TXNRD1: variants seen among roughly 807,000 people sequenced by gnomAD.
The protein encoded by TXNRD1 is thioredoxin reductase 1.
In TXNRD1, 57 loss-of-function variants were observed where a neutral mutation model predicts 80.3. The observed-to-expected ratio is 0.71, with a 90% CI of 0.57 to 0.89. TXNRD1 has a LOEUF of 0.89. TXNRD1 is among the 40% of genes least tolerant of loss of function. The pLI is 0.00. For missense variants in TXNRD1, 730 were observed against 803.0 expected (o/e 0.91, Z 1.10); for synonymous variants, 291 against 285.2 (o/e 1.02, Z -0.20).
At chr12:104,256,653 C>A (rs12312443) in intron 2 of TXNRD1, among the ~76,000 whole-genome samples, 4,873 of 151,860 alleles carry the variant, frequency 0.032, 204 homozygotes, top group African/African-American at 0.094. Flanking sequence ...GTGGCGCATG[C>A]CTGTAACCCC....
rs11831030 is a variant in TXNRD1 at position 104,276,021 on chromosome 12, C to T, written c.305-12910C>T. Among the ~76,000 whole-genome samples the T allele has an allele frequency of 5.4e-3, 825 of 152,280 alleles. 8 individuals carry two copies. The highest frequency in any genetic ancestry group is 0.019 in the African/African-American group (787 of 41,560). ...GTTTGCCAGCAGAAAAGCCAGGTTA[C>T]GTGATTTCATTGCGGGCTCTTATAA... On this transcript the variant is annotated intron_variant, in intron 3 of 16. Transcript: ENST00000525566.
rs531355197 is a variant in TXNRD1, at chr12:104,319,616, A to C, written c.989+31A>C. 1.2e-5 allele frequency: 18 copies of C among 1,483,734 alleles called. No individual in the cohort carries two copies. In the African/African-American group the frequency reaches 1.8e-4, roughly 15 times the overall value. 91.9% of individuals were successfully genotyped at this position (1,483,734 alleles called of 1,614,324 possible). Reference sequence around the variant, plus strand: ...GGAAAAAAGCAGGGTGGAAAAGAAAAACCCATTGTGGATATTGCTTTCGCA... The same window carrying C: ...GGAAAAAAGCAGGGTGGAAAAGAAACACCCATTGTGGATATTGCTTTCGCA... On this transcript the variant is annotated intron_variant, in intron 9 of 16. Transcript: ENST00000525566.
chr12:104,327,050 C>T (rs1170375515), intron 12 of TXNRD1, among the ~76,000 whole-genome samples: 1 of 151,944 alleles, frequency 6.6e-6, no homozygotes, highest in Non-Finnish European at 1.5e-5. Context: ...GATCTACCCA[C>T]ATCAGCCTCC....
chr12:104,288,872 C>T (rs1467567993), intron 3 of TXNRD1, 59 bp from the exon 4 acceptor site: 1 of 1,613,480 alleles, frequency 6.2e-7, no homozygotes, highest in South Asian at 1.1e-5. Context: ...GGCGCAGTTC[C>T]CGCCTGTTAG....
rs145419945 is a variant in TXNRD1 at position 104,261,757 on chromosome 12, GTTTA to G, written c.304+3686_304+3689del. ...GAAACAATGCCAGTCTTCTCACTAT[GTTTA>G]TTTATTTTGAGACGAAATAAGTGCA... On this transcript the variant is annotated intron_variant, in intron 3 of 16. Transcript: ENST00000525566. 8.3e-3 allele frequency among the ~76,000 whole-genome samples: 1,260 copies of G among 152,174 alleles called. 11 individuals are homozygous for G. Among genetic ancestry groups the G allele is most frequent in the Non-Finnish European group, 0.012 (833 of 68,006 alleles).
intron 3 of TXNRD1, among the ~76,000 whole-genome samples, chr12:104,267,653 C>CCTTCTTTCTTTCTTTCTTTCTTTCTTTG (rs1565870015): frequency 1.1e-3 from 29 of 27,362 alleles, no homozygotes; most frequent in African/African-American, 4.1e-3. Flanking sequence ...TGGTATCTTT[C>CCTTCTTTCTTTCTTTCTTTCTTTCTTTG]TTTCTTTCTT....
intron 3 of TXNRD1, among the ~76,000 whole-genome samples, chr12:104,259,676 A>C (rs2033324639): frequency 6.6e-6 from 1 of 151,624 alleles, no homozygotes; most frequent in Non-Finnish European, 1.5e-5. Context: ...TTTTTAGTAG[A>C]GATGGGGTTT....
At chr12:104,286,847 G>T in intron 3 of TXNRD1, 1 of 1,080,798 alleles carries the variant, frequency 9.3e-7, no homozygotes, top group Non-Finnish European at 1.1e-6. Flanking sequence ...GCAGGCAGAG[G>T]ATGTGGTGTC....
At chr12:104,252,670 A>T (rs1230760334) in intron 2 of TXNRD1, among the ~76,000 whole-genome samples, 3 of 88,096 alleles carry the variant, frequency 3.4e-5, no homozygotes, top group African/African-American at 5.1e-5. Flanking sequence ...TTTTATATAT[A>T]TATATATATA....
At chr12:104,337,623 G>C (rs962319446) in intron 15 of TXNRD1, among the ~76,000 whole-genome samples, 1 of 151,812 alleles carries the variant, frequency 6.6e-6, no homozygotes, top group South Asian at 2.1e-4. Flanking sequence ...TTGGGAGGCC[G>C]AGGTGGGTGA....
chr12:104,303,395 AC>A (rs753054873), intron 4 of TXNRD1, among the ~76,000 whole-genome samples: 1 of 152,220 alleles, frequency 6.6e-6, no homozygotes, highest in Non-Finnish European at 1.5e-5. Context: ...GATTTAGTTC[AC>A]AAAAAACCAA....
chr12:104,288,951 G>A lies in TXNRD1; in HGVS notation c.325G>A (p.Gly109Arg), dbSNP rs777313209. The A allele has an allele frequency of 6.2e-7, 1 of 1,614,084 alleles. No individual in the cohort carries two copies. The highest frequency in any genetic ancestry group is 1.1e-5 in the South Asian group (1 of 91,088). Residue 109 changes from glycine (G) to arginine (R), a missense_variant, in exon 4 of 17, where the codon GGA (glycine) becomes AGA (arginine). Transcript: ENST00000525566. ...CACAGAGGACGGTCGGGCCCTGGAA[G>A]GAACGCTCTCGGAATTGGCCGCGGA... is the stretch of plus-strand genomic sequence containing the variant. ...DQTEDGRALEGTLSELAAETD... is the reference protein window; with the variant it reads ...DQTEDGRALERTLSELAAETD...
At chr12:104,225,313 C>T (rs756607838) in intron 1 of TXNRD1, among the ~76,000 whole-genome samples, 6 of 152,212 alleles carry the variant, frequency 3.9e-5, no homozygotes, top group African/African-American at 7.2e-5. Context: ...AAGCATACAA[C>T]TATTAAGTAG....
In TXNRD1 at chr12:104,327,612, G is replaced by C; in HGVS notation, c.1483G>C (p.Val495Leu). The change falls in exon 13 of 17, where the codon GTT becomes CTT. Residue 495 changes from valine (V) to leucine (L), a missense_variant. By Grantham distance (32) the Val-to-Leu change is conservative. Coordinates refer to ENST00000525566, the MANE Select transcript of TXNRD1 (RefSeq NM_001093771.3). ...GGAGGATAAGGTGGAGCTCACCCCA[G>C]TTGCAATCCAGGCAGGAAGATTGCT... ...ILEDKVELTPVAIQAGRLLAQ... is the reference protein window; with the variant it reads ...ILEDKVELTPLAIQAGRLLAQ... The C allele has an allele frequency of 6.2e-7, 1 of 1,613,676 alleles. No individual in the cohort carries two copies. The highest frequency in any genetic ancestry group is 8.5e-7 in the Non-Finnish European group (1 of 1,179,838).
chr12:104,346,944 AATT>A (rs2036511364), intron 16 of TXNRD1, among the ~76,000 whole-genome samples: 1 of 152,004 alleles, frequency 6.6e-6, no homozygotes, highest in Non-Finnish European at 1.5e-5. Context: ...AAAATCCAAA[AATT>A]ATCCGAGCAT....
In TXNRD1 at chr12:104,327,647, G is replaced by T; in HGVS notation, c.1518G>T (p.Arg506Ser). The change falls in exon 13 of 17, where the codon AGG (arginine) becomes AGT (serine). Residue 506 changes from arginine to serine, a missense_variant. Arg to Ser is a moderately radical substitution (Grantham distance 110). Coordinates refer to ENST00000525566, the MANE Select transcript of TXNRD1 (RefSeq NM_001093771.3). ...AGGCAGGAAGATTGCTGGCTCAGAGGCTCTATGCAGGTTCCACTGTCAAGG... is the reference window on the plus strand; with the variant it reads ...AGGCAGGAAGATTGCTGGCTCAGAGTCTCTATGCAGGTTCCACTGTCAAGG... ...AIQAGRLLAQRLYAGSTVKCD... is the reference protein window; with the variant it reads ...AIQAGRLLAQSLYAGSTVKCD... 6.2e-7 allele frequency: 1 copy of T among 1,613,568 alleles called. No homozygotes were observed. The highest frequency in any genetic ancestry group is 8.5e-7 in the Non-Finnish European group (1 of 1,179,828).
chr12:104,239,683 T>A (rs1231273383), intron 1 of TXNRD1, among the ~76,000 whole-genome samples: 1 of 152,064 alleles, frequency 6.6e-6, no homozygotes, highest in African/African-American at 2.4e-5. Flanking sequence ...GGGTTTCACC[T>A]TGTTGGCCAT....
chr12:104,303,449 T>G (rs1000106768), intron 4 of TXNRD1, among the ~76,000 whole-genome samples: 5 of 152,218 alleles, frequency 3.3e-5, no homozygotes, highest in African/African-American at 1.2e-4. Flanking sequence ...CAGCGAGCGT[T>G]TTAAAGCGCA....
chr12:104,339,575 A>C (rs2036254927), intron 16 of TXNRD1: 2 of 436,888 alleles, frequency 4.6e-6, no homozygotes, highest in East Asian at 5.3e-5. Flanking sequence ...ATAATGGAAG[A>C]GCTTCAATCT....
Sources: allele counts gnomAD v4.1 joint callset (sites outside exome capture counted in the v4.1 genomes callset), GRCh38; gene constraint gnomAD v4.1.1; transcripts MANE v1.5; gene names NCBI Gene and HGNC (gene_info 2026-07-23, HGNC 2026-07-21).